The following APPL2 variants were observed in gnomAD, a reference collection of about 807,000 sequenced individuals.
APPL2 encodes DCC-interacting protein 13-beta.
APPL2 carries 84 observed loss-of-function variants against 92.7 expected under a neutral mutation model. That is an observed-to-expected ratio of 0.91 (90% confidence interval 0.76 to 1.09). APPL2 has a LOEUF of 1.09. Among genes scored for constraint, APPL2 ranks in the 50% least tolerant of loss-of-function variants. The pLI is 0.00. For missense variants in APPL2, 736 were observed against 824.5 expected (o/e 0.89, Z 1.31); for synonymous variants, 291 against 291.0 (o/e 1.00, Z 0.00).
rs1592828201 is a variant in APPL2 at position 105,220,551 on chromosome 12, A to C, written c.154-2826T>G. On this transcript the variant is annotated intron_variant, in intron 2 of 20. Coordinates refer to ENST00000258530, the MANE Select transcript of APPL2 (RefSeq NM_018171.5). The stretch of plus-strand genomic sequence containing the variant: ...CCAGGAGCTTCTACTCTTCTAATTC[A>C]TTCTTTTCTTTATTTTAGTCAACTC... Among the ~76,000 whole-genome samples, 2 of 152,210 alleles carry C rather than the reference A, an allele frequency of 1.3e-5. 1 individual carries two copies. The highest frequency in any genetic ancestry group is 3.9e-4 in the East Asian group (2 of 5,182).
intron 8 of APPL2, among the ~76,000 whole-genome samples, chr12:105,205,349 C>T (rs1261191517): frequency 6.7e-6 from 1 of 149,966 alleles, no homozygotes; most frequent in Non-Finnish European, 1.5e-5. Context: ...CCATTCTCAG[C>T]TCTCAACAAT....
Position 105,177,018 on chromosome 12 carries a change from T to TG in APPL2, c.1672-3dup, listed in dbSNP as rs766809485. The TG allele has an allele frequency of 2.6e-5, 42 of 1,613,630 alleles. No individual in the cohort carries two copies. In the African/African-American group the frequency reaches 4.9e-4, roughly 19 times the overall value. On this transcript the variant is annotated splice_region_variant and splice_polypyrimidine_tract_variant and intron_variant, in intron 18 of 20. Coordinates refer to ENST00000258530, the MANE Select transcript of APPL2 (RefSeq NM_018171.5). Reference sequence around the variant, plus strand: ...TTGTGTGACACTGGTAAGTTCAAACTGGGGGGTGGAAAAAAAGGCAACAGA... The same window carrying TG: ...TTGTGTGACACTGGTAAGTTCAAACTGGGGGGGTGGAAAAAAAGGCAACAGA...
chr12:105,232,751 G>A (rs1313791805), intron 1 of APPL2, among the ~76,000 whole-genome samples: 1 of 124,838 alleles, frequency 8.0e-6, no homozygotes, highest in Non-Finnish European at 1.6e-5. Context: ...GCAACAAAGC[G>A]AGACCCTGTC....
intron 19 of APPL2, 75 bp downstream of exon 19, chr12:105,176,801 G>A (rs767273812): frequency 8.5e-6 from 13 of 1,536,226 alleles, no homozygotes; most frequent in Non-Finnish European, 8.8e-6. Context: ...ATCCAAGGAA[G>A]TAATGCCAGA....
intron 9 of APPL2, 40 bp downstream of exon 9, chr12:105,203,663 G>A (rs753935005): frequency 6.3e-7 from 1 of 1,588,868 alleles, no homozygotes. Context: ...CAGCATGAAA[G>A]GCAAGGGGCA....
chr12:105,178,613 TATAATC>T (rs1390078000), intron 17 of APPL2, among the ~76,000 whole-genome samples: 20 of 152,286 alleles, frequency 1.3e-4, no homozygotes, highest in African/African-American at 4.6e-4. Flanking sequence ...CCGTAAGACT[TATAATC>T]AGAGAACTCG....
intron 1 of APPL2, chr12:105,233,140 G>A (rs975844779): frequency 1.0e-6 from 1 of 985,370 alleles, no homozygotes; most frequent in African/African-American, 1.7e-5. Flanking sequence ...GGAGCTCAAA[G>A]CTGCATTTGT....
chr12:105,223,944 C>T (rs953420170), intron 2 of APPL2, among the ~76,000 whole-genome samples: 10 of 152,138 alleles, frequency 6.6e-5, no homozygotes, highest in East Asian at 1.9e-4. Flanking sequence ...GATGATGGCT[C>T]GACCTGCCCA....
chr12:105,183,325 T>G (rs990791877), intron 17 of APPL2, among the ~76,000 whole-genome samples: 4 of 152,196 alleles, frequency 2.6e-5, no homozygotes, highest in African/African-American at 4.8e-5. Flanking sequence ...ATTTTGCCTG[T>G]TAGTTGATGC....
In APPL2 at chr12:105,189,827, A is replaced by G; in HGVS notation, c.1407-3T>C. On this transcript the variant is annotated splice_polypyrimidine_tract_variant and splice_region_variant and intron_variant, in intron 15 of 20. Coordinates refer to ENST00000258530, the MANE Select transcript of APPL2 (RefSeq NM_018171.5). ...TTTCACCAAAAGGGTTGGTACGCCT[A>G]GGGGAATAGCCAGAGTTGAACAAAC... 6.2e-7 allele frequency: 1 copy of G among 1,614,194 alleles called. No individual in the cohort carries two copies. Among genetic ancestry groups the G allele is most frequent in the African/African-American group, 1.3e-5 (1 of 75,060 alleles).
At chr12:105,197,125 G>A (rs1048168558) in intron 11 of APPL2, among the ~76,000 whole-genome samples, 1 of 152,254 alleles carries the variant, frequency 6.6e-6, no homozygotes. Context: ...ATGGGACCCT[G>A]AAGCCCCTCC....
At chr12:105,186,297 C>T (rs1328880793) in intron 17 of APPL2, among the ~76,000 whole-genome samples, 1 of 152,100 alleles carries the variant, frequency 6.6e-6, no homozygotes, top group Non-Finnish European at 1.5e-5. Flanking sequence ...CAAGTTGGCA[C>T]TCAAAAAGTT....
Position 105,174,311 on chromosome 12 carries a change from G to GAGTT in APPL2, c.1994_*2dup. ...TTGCTCTTCCCCCACAGGCGCAAGT[G>GAGTT]AGTTATGCTTCGGATTCTGCGCCTC... is the stretch of plus-strand genomic sequence containing the variant. On this transcript the variant is annotated 3_prime_UTR_variant, in exon 21 of 21. Transcript: ENST00000258530. 1 of 1,613,598 alleles carries GAGTT rather than the reference G, an allele frequency of 6.2e-7. No homozygotes were observed. Among genetic ancestry groups the GAGTT allele is most frequent in the Non-Finnish European group, 8.5e-7 (1 of 1,179,776 alleles).
chr12:105,232,426 A>G (rs548476991), intron 1 of APPL2, among the ~76,000 whole-genome samples: 1 of 152,268 alleles, frequency 6.6e-6, no homozygotes, highest in East Asian at 1.9e-4. Flanking sequence ...TGTTAACACC[A>G]CTGACTACTG....
intron 5 of APPL2, among the ~76,000 whole-genome samples, chr12:105,209,441 C>A (rs1261885221): frequency 6.6e-6 from 1 of 152,148 alleles, no homozygotes; most frequent in Non-Finnish European, 1.5e-5. Context: ...TACTACTCAT[C>A]CACATTTGGG....
chr12:105,214,911 T>C (rs1004780243), intron 4 of APPL2, among the ~76,000 whole-genome samples: 18 of 152,256 alleles, frequency 1.2e-4, no homozygotes, highest in East Asian at 3.9e-4. Flanking sequence ...ATACCTGAAC[T>C]GCAGGGTTTG....
rs188445942 is a variant in APPL2, at chr12:105,227,328, C to T, written c.153+1797G>A. On this transcript the variant is annotated intron_variant, in intron 2 of 20. Coordinates refer to ENST00000258530, the MANE Select transcript of APPL2 (RefSeq NM_018171.5). ...AATAAGTTACACTTATACCTTACTGCATAGTTTGCCTATCTATATCTCCAG... is the reference window on the plus strand; with the variant it reads ...AATAAGTTACACTTATACCTTACTGTATAGTTTGCCTATCTATATCTCCAG... Among the ~76,000 whole-genome samples the T allele has an allele frequency of 2.0e-5, 3 of 152,260 alleles. No homozygotes were observed. In the East Asian group the frequency reaches 5.8e-4, roughly 29 times the overall value.
intron 17 of APPL2, among the ~76,000 whole-genome samples, chr12:105,181,481 A>C (rs2135901612): frequency 6.6e-6 from 1 of 152,300 alleles, no homozygotes; most frequent in Non-Finnish European, 1.5e-5. Flanking sequence ...TCATAAAATG[A>C]GTTAGGGAGG....
intron 14 of APPL2, among the ~76,000 whole-genome samples, chr12:105,190,826 A>G (rs1305545866): frequency 6.6e-6 from 1 of 152,154 alleles, no homozygotes; most frequent in Non-Finnish European, 1.5e-5. Context: ...CATTGCTGAC[A>G]TTGTGGCCCA....
Sources: allele counts gnomAD v4.1 joint callset (sites outside exome capture counted in the v4.1 genomes callset), GRCh38; gene constraint gnomAD v4.1.1; transcripts MANE v1.5; gene names NCBI Gene and HGNC (gene_info 2026-07-23, HGNC 2026-07-21).